The following METTL3 variants were observed in gnomAD, a reference collection of about 807,000 sequenced individuals.
The protein encoded by METTL3 is methyltransferase 3, N6-adenosine-methyltransferase complex catalytic subunit, also known as N(6)-adenosine-methyltransferase catalytic subunit METTL3.
Under a neutral mutation model 64.3 loss-of-function variants are expected in METTL3, and 42 were observed. The ratio of observed to expected loss-of-function variants is 0.65; its 90% CI spans 0.51 to 0.84. The LOEUF is 0.84. Ranked by LOEUF, METTL3 falls within the 40% of genes least tolerant of loss-of-function variation. METTL3 has a pLI of 0.00. For synonymous variants in METTL3, 256 were observed against 263.6 expected, an observed-to-expected ratio of 0.97 and a Z score of 0.28; for missense variants, 435 against 722.3, an observed-to-expected ratio of 0.60 and a Z score of 4.56.
chr14:21,507,089 G>A (rs949925345), intron 1 of METTL3, among the ~76,000 whole-genome samples: 4 of 152,156 alleles, frequency 2.6e-5, no homozygotes, highest in South Asian at 2.1e-4. Flanking sequence ...GCTGAGGCAG[G>A]AGAATTGCTT....
At position 21,501,763 on chromosome 14, in the gene METTL3, A is replaced by G. The variant is rs530353198; in HGVS notation, c.864T>C (p.Ser288=). 4 of 1,614,158 alleles carry G rather than the reference A, an allele frequency of 2.5e-6. No homozygotes were observed. In the Admixed American group the frequency reaches 6.7e-5, roughly 27 times the overall value. ...YGTKEECMKA[S]DADRPCRKLH... ...GCTTGCGACAGGGTCGATCAGCATC[A>G]CTGGCTTTCATGCACTCCTCCTTGG... The change falls in exon 4 of 11, where the codon AGT becomes AGC. Residue 288 remains serine (S), a synonymous_variant. Coordinates refer to ENST00000298717, the MANE Select transcript of METTL3 (RefSeq NM_019852.5).
intron 10 of METTL3, 141 bp from the exon 11 acceptor site, chr14:21,498,510 G>T: frequency 1.4e-6 from 1 of 731,626 alleles, no homozygotes; most frequent in Non-Finnish European, 2.2e-6. Context: ...CATTAGAATA[G>T]TATATGGTAG....
At position 21,499,540 on chromosome 14, in the gene METTL3, C is replaced by T. The variant is rs774768803; in HGVS notation, c.1404G>A (p.Arg468=). ...TCAACCAGTGACCTGTACGGCCTGT[C>T]CGAATGATGCGTTGCAGTTGATTTG... ...VKTNQLQRII[R]TGRTGHWLNH... is the part of the protein sequence containing the mutation. The change falls in exon 8 of 11, where the codon CGG becomes CGA. Residue 468 remains arginine, a synonymous_variant. Coordinates refer to ENST00000298717, the MANE Select transcript of METTL3 (RefSeq NM_019852.5). 3 of 1,614,200 alleles carry T rather than the reference C, an allele frequency of 1.9e-6. No homozygotes were observed. Among genetic ancestry groups the T allele is most frequent in the Non-Finnish European group, 2.5e-6 (3 of 1,180,028 alleles).
chr14:21,502,026 T>C (rs1891581762), intron 3 of METTL3, 123 bp from the exon 4 acceptor site: 7 of 875,562 alleles, frequency 8.0e-6, no homozygotes, highest in South Asian at 7.3e-5. Flanking sequence ...TTTTTTTTTT[T>C]TTTTTTTAAG....
At chr14:21,506,278 C>T (rs1230134786) in intron 1 of METTL3, among the ~76,000 whole-genome samples, 2 of 151,854 alleles carry the variant, frequency 1.3e-5, no homozygotes, top group South Asian at 2.1e-4. Context: ...CTCGGCCGGG[C>T]GTGGTTGGCT....
At chr14:21,504,092 T>G (rs1891639126) in intron 1 of METTL3, 1 of 556,932 alleles carries the variant, frequency 1.8e-6, no homozygotes, top group Non-Finnish European at 3.2e-6. Flanking sequence ...TATCTACCTT[T>G]TCTCTATTGA....
chr14:21,499,825 A>G, intron 6 of METTL3, 23 bp from the exon 7 acceptor site: 1 of 1,610,512 alleles, frequency 6.2e-7, no homozygotes. Context: ...GAGTTAAACA[A>G]CTATTTGTAT....
intron 1 of METTL3, among the ~76,000 whole-genome samples, chr14:21,508,617 G>A (rs55690316): frequency 0.23 from 34,523 of 152,116 alleles, 4,447 homozygotes; most frequent in Middle Eastern, 0.32. Flanking sequence ...GTATGATGCC[G>A]GGCACAGTGG....
intron 10 of METTL3, 166 bp from the exon 11 acceptor site, chr14:21,498,535 A>C (rs1213869882): frequency 1.5e-6 from 1 of 655,370 alleles, no homozygotes; most frequent in African/African-American, 1.8e-5. Context: ...ACTAGTTCAG[A>C]ATTGGCATAG....
chr14:21,500,997 G>C lies in METTL3; in HGVS notation c.1032C>G (p.Ser344Arg). The change falls in exon 5 of 11, where the codon AGC (serine) becomes AGG (arginine). Residue 344 changes from serine (S) to arginine (R), a missense_variant. Around this residue, in one of 9 missense-constraint regions of METTL3, gnomAD observed 67 missense variants for 71.5 expected, o/e 0.94. Coordinates refer to ENST00000298717, the MANE Select transcript of METTL3 (RefSeq NM_019852.5). ...GCTCCTGGCTTGGCGTGTGGTCTTT[G>C]CTGCCAGGGGCCTCAGAATCCATGC... ...DACMDSEAPG[S>R]KDHTPSQELA... 1 of 1,614,140 alleles carries C rather than the reference G, an allele frequency of 6.2e-7. No homozygotes were observed. The highest frequency in any genetic ancestry group is 8.5e-7 in the Non-Finnish European group (1 of 1,180,016).
rs746573305 is a variant in METTL3, at chr14:21,503,206, G to C, written c.690C>G (p.Asn230Lys). 2 of 1,613,700 alleles carry C rather than the reference G, an allele frequency of 1.2e-6. No individual in the cohort carries two copies. The highest frequency in any genetic ancestry group is 2.2e-5 in the South Asian group (2 of 91,028). Residue 230 changes from asparagine to lysine, a missense_variant, in exon 3 of 11, where the codon AAC (asparagine) becomes AAG (lysine). Around this residue, in one of 9 missense-constraint regions of METTL3, gnomAD observed 228 missense variants for 279.6 expected, o/e 0.82. Coordinates refer to ENST00000298717, the MANE Select transcript of METTL3 (RefSeq NM_019852.5). ...DVDLEIESLL[N>K]QQSTKEQQSK... The stretch of plus-strand genomic sequence containing the variant: ...TCTGTTGTTCCTTAGTGGACTGTTG[G>C]TTCAGAAGGCTCTCTATCTCCAGAT...
At chr14:21,504,245 G>A (rs556469580) in intron 1 of METTL3, 1 of 213,766 alleles carries the variant, frequency 4.7e-6, no homozygotes, top group African/African-American at 2.3e-5. Flanking sequence ...CCTAGGCTGG[G>A]ATCCAATATT....
rs1258673342 is a variant in METTL3 at position 21,503,228 on chromosome 14, A to G, written c.668T>C (p.Leu223Pro). The change falls in exon 3 of 11, where the codon CTG (leucine) becomes CCG (proline). Residue 223 changes from leucine to proline, a missense_variant. Coordinates refer to ENST00000298717, the MANE Select transcript of METTL3 (RefSeq NM_019852.5). ...TTGGTTCAGAAGGCTCTCTATCTCCAGATCAACATCTGAGGCAGCATGTTT... is the reference window on the plus strand; with the variant it reads ...TTGGTTCAGAAGGCTCTCTATCTCCGGATCAACATCTGAGGCAGCATGTTT... ...SRKHAASDVD[L>P]EIESLLNQQS... The G allele has an allele frequency of 6.2e-7, 1 of 1,614,176 alleles. No homozygotes were observed. Among genetic ancestry groups the G allele is most frequent in the Non-Finnish European group, 8.5e-7 (1 of 1,180,012 alleles).
chr14:21,498,919 A>G (rs1359338346), intron 10 of METTL3, 106 bp downstream of exon 10: 1 of 730,638 alleles, frequency 1.4e-6, no homozygotes, highest in Non-Finnish European at 2.4e-6. Context: ...AATCCTGTGA[A>G]GCTCATTTAT....
chr14:21,502,246 A>G, intron 3 of METTL3: 1 of 195,198 alleles, frequency 5.1e-6, no homozygotes, highest in Non-Finnish European at 1.1e-5. Context: ...CCGGTCTTGA[A>G]CTCCTCGCCT....
At chr14:21,504,206 T>G (rs1401495071) in intron 1 of METTL3, 1 of 305,818 alleles carries the variant, frequency 3.3e-6, no homozygotes, top group Non-Finnish European at 6.3e-6. Context: ...AACCTACATT[T>G]TAATAAAGGA....
chr14:21,499,700 A>G (rs1594437955), intron 7 of METTL3, 64 bp downstream of exon 7: 5 of 1,578,774 alleles, frequency 3.2e-6, no homozygotes, highest in East Asian at 2.2e-5. Context: ...GTCTGGGAGA[A>G]GAGAACATGT....
chr14:21,500,174 A>G (rs751964814), intron 6 of METTL3, among the ~76,000 whole-genome samples: 6 of 152,130 alleles, frequency 3.9e-5, no homozygotes, highest in Non-Finnish European at 7.3e-5. Flanking sequence ...CCTGGCTAAC[A>G]TGGTGAAATC....
chr14:21,504,471 T>G (rs890790521), intron 1 of METTL3: 2 of 152,428 alleles, frequency 1.3e-5, no homozygotes, highest in African/African-American at 4.8e-5. Context: ...ATAACCTTAA[T>G]AACGATTTGA....
Sources: gnomAD v4.1 joint callset for allele counts (sites outside exome capture counted in the v4.1 genomes callset) on GRCh38, gnomAD v4.1.1 for gene constraint, gnomAD v4.1.1 regional missense constraint, MANE v1.5 for transcripts, NCBI Gene and HGNC (gene_info 2026-07-23, HGNC 2026-07-21) for gene names.